AFF2: variants seen among roughly 807,000 people sequenced by gnomAD.
The protein encoded by AFF2 is ALF transcription elongation factor 2.
AFF2 carries 14 observed loss-of-function variants against 76.9 expected under a neutral mutation model. That is an observed-to-expected ratio of 0.18 (90% CI 0.12 to 0.28). The LOEUF (loss-of-function observed/expected upper bound fraction) is 0.28, where lower values mean the gene tolerates loss of function less well. Among genes scored for constraint, AFF2 ranks in the 10% least tolerant of loss-of-function variants. AFF2 has a pLI of 1.00. For synonymous variants in AFF2, 398 were observed against 366.7 expected (o/e 1.09, Z -0.98); for missense variants, 868 against 1,001.1 (o/e 0.87, Z 1.79).
At chrX:148,886,160 CT>C (rs1569556585) in intron 8 of AFF2, among the ~76,000 whole-genome samples, 175 bp downstream of exon 8, 1 of 111,658 alleles carries the variant, frequency 9.0e-6, no homozygotes, top group Non-Finnish European at 1.9e-5. Flanking sequence ...TCAGTTCAAA[CT>C]TTCATTAAAG....
chrX:148,746,870 G>A (rs1211993166), intron 3 of AFF2, among the ~76,000 whole-genome samples: 1 of 112,319 alleles, frequency 8.9e-6, no homozygotes, highest in East Asian at 2.8e-4. Flanking sequence ...CAATGAGGTA[G>A]AAACAGATTG....
chrX:148,655,426 C>T (rs1207676498), intron 2 of AFF2, among the ~76,000 whole-genome samples: 1 of 110,137 alleles, frequency 9.1e-6, no homozygotes, highest in Non-Finnish European at 1.9e-5. Flanking sequence ...CAGGTGTGCA[C>T]CACCATGTCC....
intron 1 of AFF2, among the ~76,000 whole-genome samples, chrX:148,578,578 T>C (rs782227709): frequency 9.8e-5 from 11 of 112,125 alleles, no homozygotes; most frequent in Non-Finnish European, 1.9e-4. Context: ...TGTACATTGT[T>C]CATCACATAG....
At chrX:148,732,467 C>G (rs1650609697) in intron 3 of AFF2, among the ~76,000 whole-genome samples, 1 of 88,781 alleles carries the variant, frequency 1.1e-5, no homozygotes, top group African/African-American at 4.3e-5. Context: ...GGAGATATAC[C>G]TAATGCTAGA....
At chrX:148,848,955 C>A (rs2070699613) in intron 7 of AFF2, among the ~76,000 whole-genome samples, 1 of 111,474 alleles carries the variant, frequency 9.0e-6, no homozygotes, top group South Asian at 3.8e-4. Flanking sequence ...AATTTGGCAG[C>A]CTGTTCAAGC....
Position 148,956,291 on chromosome X carries a change from T to A in AFF2, c.2246T>A (p.Ile749Asn), listed in dbSNP as rs782209159. 8.3e-7 allele frequency: 1 copy of A among 1,211,602 alleles called. No individual in the cohort carries two copies. Among genetic ancestry groups the A allele is most frequent in the East Asian group, 3.0e-5 (1 of 33,854 alleles). Residue 749 changes from isoleucine to asparagine, a missense_variant, in exon 11 of 21, where the codon ATC becomes AAC. By Grantham distance (149) the Ile-to-Asn change is moderately radical. This residue lies in a region of AFF2 where 532 missense variants were observed against 564.2 expected (regional missense o/e 0.94). Coordinates refer to ENST00000370460, the MANE Select transcript of AFF2 (RefSeq NM_002025.4). ...SGGNTAKSKE[I>N]CGASLTLSTL... ...GGTAATACTGCCAAATCCAAGGAAA[T>A]CTGTGGTGCCAGCCTGACCCTCAGC...
chrX:148,828,485 C>G (rs1271095614), intron 4 of AFF2, among the ~76,000 whole-genome samples: 1 of 112,139 alleles, frequency 8.9e-6, no homozygotes, highest in Non-Finnish European at 1.9e-5. Context: ...GGTGTTCAGT[C>G]TTCTATTCTG....
chrX:148,729,476 C>T (rs2055196722), intron 3 of AFF2, among the ~76,000 whole-genome samples: 1 of 111,968 alleles, frequency 8.9e-6, no homozygotes, highest in South Asian at 3.7e-4. Context: ...TGTGACACTA[C>T]AGACGTTATT....
rs190513402 is a variant in AFF2 at position 148,976,869 on chromosome X, A to G, written c.3405-1064A>G. Among the ~76,000 whole-genome samples, 36 of 112,741 alleles carry G rather than the reference A, an allele frequency of 3.2e-4. No homozygotes were observed. The East Asian group carries it at 9.2e-3, about 29-fold the overall frequency. Reference sequence around the variant, plus strand: ...AATATTGCAACAAAGGAAGGGACCCACGTTAAATGTACAAGTGCCTTTCCT... The same window carrying G: ...AATATTGCAACAAAGGAAGGGACCCGCGTTAAATGTACAAGTGCCTTTCCT... On this transcript the variant is annotated intron_variant, in intron 16 of 20. Coordinates refer to ENST00000370460, the MANE Select transcript of AFF2 (RefSeq NM_002025.4).
chrX:148,618,399 G>A (rs977900551), intron 1 of AFF2, among the ~76,000 whole-genome samples: 2 of 111,045 alleles, frequency 1.8e-5, no homozygotes, highest in Non-Finnish European at 1.9e-5. Context: ...GAGAAGTGCC[G>A]ACCAAAGGGG....
At chrX:148,755,863 C>T (rs2055555782) in intron 3 of AFF2, among the ~76,000 whole-genome samples, 1 of 111,460 alleles carries the variant, frequency 9.0e-6, no homozygotes, top group Non-Finnish European at 1.9e-5. Flanking sequence ...TCATCTGAGC[C>T]CTTTGCTCCT....
At chrX:148,979,159 C>G (rs192052092) in intron 18 of AFF2, among the ~76,000 whole-genome samples, 1 of 111,843 alleles carries the variant, frequency 8.9e-6, no homozygotes, top group Non-Finnish European at 1.9e-5. Flanking sequence ...TTCTGTTGGG[C>G]AGGTCTAAAA....
chrX:148,791,582 T>G (rs1379774277), intron 3 of AFF2, among the ~76,000 whole-genome samples: 3 of 112,653 alleles, frequency 2.7e-5, no homozygotes, highest in African/African-American at 9.7e-5. Context: ...GCTCTTGAAT[T>G]ACTTGTCTTT....
chrX:148,773,681 GGAAGGAAA>G (rs1264195303), intron 3 of AFF2, among the ~76,000 whole-genome samples: 483 of 42,093 alleles, frequency 0.011, 7 homozygotes, highest in African/African-American at 0.031. Flanking sequence ...AAGGAAGGAA[GGAAGGAAA>G]GAAAGAAAGA....
chrX:148,729,667 A>G (rs1166083952), intron 3 of AFF2, among the ~76,000 whole-genome samples: 2 of 111,843 alleles, frequency 1.8e-5, no homozygotes, highest in Non-Finnish European at 3.8e-5. Context: ...AGCTATAACA[A>G]TAGTTCAGGG....
chrX:148,673,127 C>T (rs1019378394), intron 3 of AFF2, among the ~76,000 whole-genome samples: 7 of 111,930 alleles, frequency 6.3e-5, no homozygotes, highest in Admixed American at 2.8e-4. Flanking sequence ...AGCAAAAGAA[C>T]GCAGATGGTC....
At chrX:148,563,398 G>A (rs1313684202) in intron 1 of AFF2, among the ~76,000 whole-genome samples, 1 of 111,882 alleles carries the variant, frequency 8.9e-6, no homozygotes, top group Non-Finnish European at 1.9e-5. Flanking sequence ...GAGGCCAGCT[G>A]GGAGGCTGTC....
rs1195989972 is a variant in AFF2, at chrX:148,544,986, T to A, written c.47+43842T>A. Reference sequence around the variant, plus strand: ...CCCTCCTTCCATCAACCTTTACTAATTTCTTCTGTGAAGAATCCCTTCTTC... The same window carrying A: ...CCCTCCTTCCATCAACCTTTACTAAATTCTTCTGTGAAGAATCCCTTCTTC... On this transcript the variant is annotated intron_variant, in intron 1 of 20. Transcript: ENST00000370460. Among the ~76,000 whole-genome samples, 3 of 112,790 alleles carry A rather than the reference T, an allele frequency of 2.7e-5. No individual in the cohort carries two copies. In the Admixed American group the frequency reaches 2.8e-4, roughly 11 times the overall value.
chrX:148,668,801 C>T (rs782237251), intron 3 of AFF2, among the ~76,000 whole-genome samples: 12 of 112,409 alleles, frequency 1.1e-4, no homozygotes, highest in Non-Finnish European at 1.9e-4. Flanking sequence ...AGACCTCTGA[C>T]ATGCCCTGGA....
Sources: allele counts gnomAD v4.1 joint callset (sites outside exome capture counted in the v4.1 genomes callset), GRCh38; gene constraint gnomAD v4.1.1; regional missense constraint gnomAD v4.1.1; transcripts MANE v1.5; gene names NCBI Gene and HGNC (gene_info 2026-07-23, HGNC 2026-07-21).